The following ANGPT1 variants were observed in gnomAD, a reference collection of about 807,000 sequenced individuals.
ANGPT1 encodes the protein angiopoietin 1, also known as angiopoietin-1.
In ANGPT1, 17 loss-of-function variants were observed where a neutral mutation model predicts 62.2. The observed-to-expected ratio is 0.27, with a 90% CI of 0.19 to 0.41. The LOEUF (loss-of-function observed/expected upper bound fraction) is 0.41, where lower values mean the gene tolerates loss of function less well. Ranked by LOEUF, ANGPT1 falls within the 10% of genes least tolerant of loss-of-function variation. The pLI is 1.00. For synonymous variants in ANGPT1, 199 were observed against 198.9 expected, an observed-to-expected ratio of 1.00 and a Z score of 0.00; for missense variants, 478 against 594.9, an observed-to-expected ratio of 0.80 and a Z score of 2.04.
chr8:107,366,183 C>A (rs1293194), intron 1 of ANGPT1, among the ~76,000 whole-genome samples: 2 of 152,036 alleles, frequency 1.3e-5, no homozygotes, highest in South Asian at 4.1e-4. Flanking sequence ...CACATCATAG[C>A]ATTTAGTCCT....
chr8:107,489,727 A>G (rs1812908569), intron 1 of ANGPT1, among the ~76,000 whole-genome samples: 1 of 152,230 alleles, frequency 6.6e-6, no homozygotes, highest in African/African-American at 2.4e-5. Context: ...TTGATAAGAG[A>G]GGGGGCACAT....
rs1248184836 is a variant in ANGPT1, at chr8:107,497,725, T to C, written c.-167A>G. 1.3e-6 allele frequency: 1 copy of C among 767,836 alleles called. No individual in the cohort carries two copies. Among genetic ancestry groups the C allele is most frequent in the Non-Finnish European group, 2.0e-6 (1 of 500,368 alleles). 47.6% of individuals were successfully genotyped at this position (767,836 alleles called of 1,614,324 possible). On this transcript the variant is annotated 5_prime_UTR_variant, in exon 1 of 9. Coordinates refer to ENST00000517746, the MANE Select transcript of ANGPT1 (RefSeq NM_001146.5). ...ATAGAAAACTAGCCATTTGTTAGCT[T>C]TGTTCTAAAATTTTAAAATTTTTTA...
intron 1 of ANGPT1, among the ~76,000 whole-genome samples, chr8:107,493,913 A>C (rs1466758798): frequency 6.6e-6 from 1 of 150,542 alleles, no homozygotes; most frequent in Non-Finnish European, 1.5e-5. Context: ...ATATGCAAAT[A>C]GGGGACATCC....
At chr8:107,288,871 A>G (rs1814207296) in intron 6 of ANGPT1, among the ~76,000 whole-genome samples, 1 of 152,130 alleles carries the variant, frequency 6.6e-6, no homozygotes, top group Non-Finnish European at 1.5e-5. Context: ...AGGCTTACAC[A>G]TTATGGCACA....
intron 1 of ANGPT1, among the ~76,000 whole-genome samples, chr8:107,422,273 C>G (rs1810913584): frequency 6.6e-6 from 1 of 152,100 alleles, no homozygotes; most frequent in Non-Finnish European, 1.5e-5. Context: ...TGTCGGCAAC[C>G]TGGGAAAGAG....
At chr8:107,459,554 CATATT>C (rs1410392399) in intron 1 of ANGPT1, among the ~76,000 whole-genome samples, 3 of 152,040 alleles carry the variant, frequency 2.0e-5, no homozygotes, top group Non-Finnish European at 4.4e-5. Context: ...GAATTCAACT[CATATT>C]ATGTGGGAAC....
At chr8:107,457,647 G>T (rs1811953153) in intron 1 of ANGPT1, among the ~76,000 whole-genome samples, 1 of 151,862 alleles carries the variant, frequency 6.6e-6, no homozygotes, top group Admixed American at 6.6e-5. Context: ...CCTGAAACCA[G>T]GCAGCTGAAT....
In ANGPT1 at chr8:107,336,780, CAT is replaced by C. The variant is rs1421404906; in HGVS notation, c.454-511_454-510del. Among the ~76,000 whole-genome samples, 7 of 149,302 alleles carry C rather than the reference CAT, an allele frequency of 4.7e-5. No individual in the cohort carries two copies. The East Asian group carries it at 1.4e-3, about 30-fold the overall frequency. ...GAGATTGAAATTGCAATTGAACAAA[CAT>C]ATTGTGTTTTAGGACTTCTGTGTCC... On this transcript the variant is annotated intron_variant, in intron 2 of 8. Coordinates refer to ENST00000517746, the MANE Select transcript of ANGPT1 (RefSeq NM_001146.5).
intron 3 of ANGPT1, among the ~76,000 whole-genome samples, chr8:107,329,570 G>A (rs181608289): frequency 3.6e-3 from 540 of 152,102 alleles, no homozygotes; most frequent in Non-Finnish European, 5.5e-3. Context: ...TTTTATTCAT[G>A]TTGAAAACGA....
At chr8:107,297,866 T>C (rs1349776554) in intron 5 of ANGPT1, among the ~76,000 whole-genome samples, 2 of 150,478 alleles carry the variant, frequency 1.3e-5, no homozygotes, top group African/African-American at 4.9e-5. Context: ...GAAAAAAAAA[T>C]AAAAGCCTAT....
chr8:107,364,020 C>T (rs1156840356), intron 1 of ANGPT1, among the ~76,000 whole-genome samples: 14 of 152,124 alleles, frequency 9.2e-5, no homozygotes, highest in Admixed American at 8.5e-4. Flanking sequence ...CCTTTTAACA[C>T]TATTTCAGTA....
Position 107,328,756 on chromosome 8 carries a change from A to G in ANGPT1, c.576-6628T>C, listed in dbSNP as rs144909586. 2.0e-3 allele frequency among the ~76,000 whole-genome samples: 308 copies of G among 152,142 alleles called. 2 individuals carry two copies. Among genetic ancestry groups the G allele is most frequent in the African/African-American group, 7.2e-3 (300 of 41,572 alleles). On this transcript the variant is annotated intron_variant, in intron 3 of 8. Transcript: ENST00000517746. ...ACATGCACAACTTAACTTCTGAAGA[A>G]GCCGAGATTAATTAGATGGCTAGCA...
intron 2 of ANGPT1, among the ~76,000 whole-genome samples, chr8:107,345,159 T>C (rs938780060): frequency 1.2e-4 from 18 of 152,176 alleles, no homozygotes; most frequent in African/African-American, 4.3e-4. Flanking sequence ...TGTGATGGAT[T>C]TGTGATTTTT....
At chr8:107,421,718 C>T (rs1394087423) in intron 1 of ANGPT1, among the ~76,000 whole-genome samples, 1 of 152,118 alleles carries the variant, frequency 6.6e-6, no homozygotes, top group Non-Finnish European at 1.5e-5. Flanking sequence ...CTTGGGGTTT[C>T]ACAGGGAACA....
intron 3 of ANGPT1, among the ~76,000 whole-genome samples, chr8:107,324,215 A>ATGTATATATATATGTGTGTG (rs1554582627): frequency 2.2e-3 from 313 of 144,818 alleles, no homozygotes; most frequent in African/African-American, 7.6e-3. Flanking sequence ...GTATATATAT[A>ATGTATATATATATGTGTGTG]TGTGTGTGTG....
chr8:107,316,605 G>A (rs1815020629), intron 4 of ANGPT1, among the ~76,000 whole-genome samples: 1 of 151,998 alleles, frequency 6.6e-6, no homozygotes. Flanking sequence ...ATTGTCACTG[G>A]GGAGATTTTT....
chr8:107,477,388 T>C (rs775623163), intron 1 of ANGPT1, among the ~76,000 whole-genome samples: 1 of 152,036 alleles, frequency 6.6e-6, no homozygotes, highest in African/African-American at 2.4e-5. Context: ...TAAAGAACAA[T>C]GGAGAAATTG....
At chr8:107,296,525 A>T (rs2130192551) in intron 5 of ANGPT1, among the ~76,000 whole-genome samples, 1 of 152,218 alleles carries the variant, frequency 6.6e-6, no homozygotes, top group African/African-American at 2.4e-5. Flanking sequence ...GACCTTGGTG[A>T]GAGAGAATGC....
chr8:107,468,944 C>T (rs1012277961), intron 1 of ANGPT1, among the ~76,000 whole-genome samples: 2 of 151,906 alleles, frequency 1.3e-5, no homozygotes, highest in Non-Finnish European at 2.9e-5. Flanking sequence ...ATGCTTGAAG[C>T]AAGAATAGTG....
Sources: gnomAD v4.1 joint callset for allele counts (sites outside exome capture counted in the v4.1 genomes callset) on GRCh38, gnomAD v4.1.1 for gene constraint, MANE v1.5 for transcripts, NCBI Gene and HGNC (gene_info 2026-07-23, HGNC 2026-07-21) for gene names.